Variants in NRXN3 observed in about 807,000 individuals in gnomAD.
NRXN3 encodes neurexin III.
Under a neutral mutation model 137.6 loss-of-function variants are expected in NRXN3, and 32 were observed. The ratio of observed to expected loss-of-function variants is 0.23; its 90% confidence interval spans 0.18 to 0.31. NRXN3 has a LOEUF of 0.31. NRXN3 is among the 10% of genes least tolerant of loss of function. NRXN3 has a pLI of 1.00. For missense variants in NRXN3, 1,574 were observed against 2,062.5 expected (o/e 0.76, Z 4.59); for synonymous variants, 798 against 784.5 (o/e 1.02, Z -0.29).
At chr14:78,940,406 A>G (rs1225110772) in intron 10 of NRXN3, among the ~76,000 whole-genome samples, 1 of 152,226 alleles carries the variant, frequency 6.6e-6, no homozygotes, top group Non-Finnish European at 1.5e-5. Flanking sequence ...CTTAGGTATA[A>G]TGCAAAGAAC....
chr14:78,332,820 T>C (rs2080995775), intron 4 of NRXN3, among the ~76,000 whole-genome samples: 1 of 113,392 alleles, frequency 8.8e-6, no homozygotes, highest in South Asian at 2.9e-4. Flanking sequence ...GGGAGACAGT[T>C]TTGTCTGGGG....
chr14:79,486,456 C>G (rs2096656332), intron 16 of NRXN3, among the ~76,000 whole-genome samples: 1 of 152,204 alleles, frequency 6.6e-6, no homozygotes, highest in Admixed American at 6.5e-5. Flanking sequence ...AACCTTGGCA[C>G]CCCTGTGGAT....
At chr14:79,526,602 C>T (rs1202064786) in intron 16 of NRXN3, among the ~76,000 whole-genome samples, 1 of 152,118 alleles carries the variant, frequency 6.6e-6, no homozygotes, top group Non-Finnish European at 1.5e-5. Flanking sequence ...CCAATTCAAC[C>T]AACATCAAAT....
chr14:78,894,986 TTTG>T (rs1046484449), intron 10 of NRXN3, among the ~76,000 whole-genome samples: 6 of 151,796 alleles, frequency 4.0e-5, no homozygotes, highest in African/African-American at 1.5e-4. Flanking sequence ...TCATCCAGGC[TTTG>T]TTGTTCCATT....
intron 2 of NRXN3, among the ~76,000 whole-genome samples, chr14:78,249,783 A>G (rs2068294500): frequency 6.6e-6 from 1 of 152,162 alleles, no homozygotes. Flanking sequence ...TAATACCATT[A>G]GCTCCATTTT....
intron 16 of NRXN3, among the ~76,000 whole-genome samples, chr14:79,590,616 G>A (rs1033581373): frequency 1.3e-5 from 2 of 151,886 alleles, no homozygotes; most frequent in Non-Finnish European, 2.9e-5. Flanking sequence ...CCATCCCCTG[G>A]TTGTCCATGA....
intron 15 of NRXN3, among the ~76,000 whole-genome samples, chr14:79,113,896 G>T (rs539975823): frequency 3.3e-5 from 5 of 152,296 alleles, no homozygotes; most frequent in Non-Finnish European, 5.9e-5. Flanking sequence ...GTAGACTGAG[G>T]ATTTGCATTT....
chr14:78,430,795 A>T (rs1444554989), intron 4 of NRXN3, among the ~76,000 whole-genome samples: 1 of 152,232 alleles, frequency 6.6e-6, no homozygotes, highest in Non-Finnish European at 1.5e-5. Flanking sequence ...ACCAACCTTG[A>T]CCAGACAGCT....
At chr14:78,391,897 G>A (rs2090827150) in intron 4 of NRXN3, among the ~76,000 whole-genome samples, 1 of 152,044 alleles carries the variant, frequency 6.6e-6, no homozygotes, top group South Asian at 2.1e-4. Flanking sequence ...CACCTTCTCA[G>A]AATGGAAGGA....
At chr14:79,317,135 G>C (rs566597261) in intron 15 of NRXN3, among the ~76,000 whole-genome samples, 120 of 152,246 alleles carry the variant, frequency 7.9e-4, no homozygotes, top group African/African-American at 2.8e-3. Context: ...AGGAGGCTGA[G>C]GCAGGATAAT....
chr14:78,834,187 G>A (rs931009544), intron 10 of NRXN3, among the ~76,000 whole-genome samples: 1 of 152,096 alleles, frequency 6.6e-6, no homozygotes, highest in Non-Finnish European at 1.5e-5. Context: ...CTTATTCTAG[G>A]AGCGACAGGA....
chr14:78,971,199 C>A lies in NRXN3; in HGVS notation c.3142+2853C>A, dbSNP rs2099438506. 2.0e-5 allele frequency among the ~76,000 whole-genome samples: 3 copies of A among 152,176 alleles called. No individual in the cohort carries two copies. The South Asian group carries it at 6.2e-4, about 32-fold the overall frequency. On this transcript the variant is annotated intron_variant, in intron 14 of 20. Transcript: ENST00000335750. ...AAACACTGGAGACACTGCAAAAAGG[C>A]ATCATTTTTATTCTGAATCTCTTGT...
intron 4 of NRXN3, among the ~76,000 whole-genome samples, chr14:78,464,424 G>A (rs1464937725): frequency 6.6e-6 from 1 of 152,168 alleles, no homozygotes; most frequent in Non-Finnish European, 1.5e-5. Context: ...TGGGATGACT[G>A]AGAAAAGAAA....
intron 15 of NRXN3, among the ~76,000 whole-genome samples, chr14:79,136,804 G>T (rs970135798): frequency 3.9e-5 from 6 of 152,144 alleles, no homozygotes; most frequent in Admixed American, 3.3e-4. Flanking sequence ...AGGCAAAAAC[G>T]AACACTGTAA....
At chr14:78,599,282 C>T (rs989860558) in intron 4 of NRXN3, among the ~76,000 whole-genome samples, 40 of 152,236 alleles carry the variant, frequency 2.6e-4, no homozygotes, top group African/African-American at 9.4e-4. Context: ...AACCTAGCGG[C>T]TTTCCACCTA....
chr14:78,501,110 C>A (rs527837918), intron 4 of NRXN3, among the ~76,000 whole-genome samples: 2 of 152,140 alleles, frequency 1.3e-5, no homozygotes, highest in Non-Finnish European at 2.9e-5. Flanking sequence ...TGTTAGTTAT[C>A]TATGGCTGCA....
intron 4 of NRXN3, among the ~76,000 whole-genome samples, chr14:78,562,062 G>T (rs962833911): frequency 3.9e-5 from 6 of 152,268 alleles, no homozygotes; most frequent in Admixed American, 2.0e-4. Flanking sequence ...CTTGAATGTG[G>T]ATAGGCCCTA....
At chr14:78,852,033 G>A (rs959298885) in intron 10 of NRXN3, among the ~76,000 whole-genome samples, 6 of 152,122 alleles carry the variant, frequency 3.9e-5, no homozygotes, top group East Asian at 1.9e-4. Context: ...TCAACTGGGT[G>A]TAACTGAAAT....
chr14:79,489,584 A>G (rs2096692998), intron 16 of NRXN3, among the ~76,000 whole-genome samples: 1 of 152,198 alleles, frequency 6.6e-6, no homozygotes, highest in Non-Finnish European at 1.5e-5. Flanking sequence ...TCCTTTCAGA[A>G]TCTTGTTTAT....
Sources: allele counts gnomAD v4.1 joint callset (sites outside exome capture counted in the v4.1 genomes callset), GRCh38; gene constraint gnomAD v4.1.1; transcripts MANE v1.5; gene names NCBI Gene and HGNC (gene_info 2026-07-23, HGNC 2026-07-21).